The following AR variants were observed in gnomAD, a reference collection of about 807,000 sequenced individuals.
AR encodes androgen receptor, also known as dihydrotestosterone receptor.
A neutral mutation model predicts 53.9 loss-of-function variants in AR; 8 were observed. That is an observed-to-expected ratio of 0.15 (90% confidence interval 0.09 to 0.27). The LOEUF is 0.27. Ranked by LOEUF, AR falls within the 10% of genes least tolerant of loss-of-function variation. The pLI is 1.00. For missense variants in AR, 639 were observed against 742.5 expected (o/e 0.86, Z 1.62); for synonymous variants, 359 against 316.4 (o/e 1.13, Z -1.43).
intron 1 of AR, among the ~76,000 whole-genome samples, chrX:67,563,603 A>C (rs982343102): frequency 9.0e-6 from 1 of 111,537 alleles, no homozygotes; most frequent in African/African-American, 3.3e-5. Context: ...TTCCCCTTCC[A>C]CAAAGCTTTG....
chrX:67,698,098 G>T (rs1163716616), intron 3 of AR, among the ~76,000 whole-genome samples: 1 of 112,087 alleles, frequency 8.9e-6, no homozygotes, highest in Non-Finnish European at 1.9e-5. Flanking sequence ...TAGAGCCGGA[G>T]TTACAAATGA....
rs768527191 is a variant in AR at position 67,560,694 on chromosome X, G to A, written c.1616+13932G>A. On this transcript the variant is annotated intron_variant, in intron 1 of 7. Transcript: ENST00000374690. ...TCCCTTACAAAACTCTTAAAACCCA[G>A]CCAAAAGGATCTAGTCACTGTCACT... 1.4e-3 allele frequency among the ~76,000 whole-genome samples: 154 copies of A among 111,641 alleles called. 1 individual carries two copies. The highest frequency in any genetic ancestry group is 4.9e-3 in the African/African-American group (150 of 30,765).
chrX:67,720,741 G>A, intron 5 of AR, among the ~76,000 whole-genome samples: 1 of 110,892 alleles, frequency 9.0e-6, no homozygotes, highest in Non-Finnish European at 1.9e-5. Flanking sequence ...TCATCCTATG[G>A]AGTAGGCTAG....
chrX:67,648,858 T>C (rs1926192806), intron 2 of AR, among the ~76,000 whole-genome samples: 1 of 112,068 alleles, frequency 8.9e-6, no homozygotes, highest in South Asian at 3.7e-4. Flanking sequence ...CCTTACCAAT[T>C]TCCTAGTCCC....
chrX:67,621,922 G>T (rs1445837592), intron 1 of AR, among the ~76,000 whole-genome samples: 1 of 111,691 alleles, frequency 9.0e-6, no homozygotes, highest in Non-Finnish European at 1.9e-5. Context: ...CAGAGCATGG[G>T]CTTTAGAGTT....
chrX:67,680,993 T>C (rs1202626644), intron 2 of AR: 19 of 205,760 alleles, frequency 9.2e-5, no homozygotes, highest in Non-Finnish European at 3.6e-5. Flanking sequence ...GCCCATTTTA[T>C]GACTATTTAG....
chrX:67,625,618 G>A (rs1229170986), intron 1 of AR, among the ~76,000 whole-genome samples: 3 of 111,408 alleles, frequency 2.7e-5, no homozygotes, highest in African/African-American at 6.5e-5. Context: ...AAGACCAATT[G>A]ACTTTCAAAA....
intron 1 of AR, among the ~76,000 whole-genome samples, chrX:67,568,004 C>T (rs951177417): frequency 2.1e-4 from 23 of 111,088 alleles, no homozygotes; most frequent in African/African-American, 7.5e-4. Flanking sequence ...CTTCATTGAG[C>T]AAGTGTGAAA....
chrX:67,659,891 CT>C (rs746737688), intron 2 of AR, among the ~76,000 whole-genome samples: 5 of 111,541 alleles, frequency 4.5e-5, no homozygotes, highest in Non-Finnish European at 9.4e-5. Context: ...TGTTTCCTGA[CT>C]TTTTAATGAT....
Position 67,545,662 on chromosome X carries a change from C to T in AR, c.516C>T (p.Pro172=), listed in dbSNP as rs1253689902. Residue 172 remains proline, a synonymous_variant, in exon 1 of 8, where the codon CCC becomes CCT. Coordinates refer to ENST00000374690, the MANE Select transcript of AR (RefSeq NM_000044.6). ...TGTCCCTGCTGGGCCCCACTTTCCC[C>T]GGCTTAAGCAGCTGCTCCGCTGACC... ...STLSLLGPTF[P]GLSSCSADLK... 2 of 1,199,560 alleles carry T rather than the reference C, an allele frequency of 1.7e-6. No individual in the cohort carries two copies. Among genetic ancestry groups the T allele is most frequent in the East Asian group, 3.0e-5 (1 of 33,245 alleles).
intron 2 of AR, among the ~76,000 whole-genome samples, chrX:67,643,749 C>G (rs924131842): frequency 8.9e-6 from 1 of 111,789 alleles, no homozygotes; most frequent in Non-Finnish European, 1.9e-5. Flanking sequence ...AAAAATTTGT[C>G]CTTATTAGAG....
chrX:67,553,145 G>T (rs1172206188), intron 1 of AR, among the ~76,000 whole-genome samples: 3 of 111,861 alleles, frequency 2.7e-5, no homozygotes, highest in African/African-American at 6.5e-5. Context: ...CCTAATCCAA[G>T]ATCACAAAGA....
chrX:67,702,595 G>A (rs2076047368), intron 3 of AR, among the ~76,000 whole-genome samples: 1 of 111,798 alleles, frequency 8.9e-6, no homozygotes, highest in Non-Finnish European at 1.9e-5. Flanking sequence ...CTTGCACTCA[G>A]GGCTGGTTTT....
At chrX:67,586,159 A>G (rs1273451223) in intron 1 of AR, among the ~76,000 whole-genome samples, 2 of 111,593 alleles carry the variant, frequency 1.8e-5, no homozygotes, top group Non-Finnish European at 3.8e-5. Context: ...ATTTTGAGGA[A>G]GCATAATTTT....
chrX:67,566,405 A>G (rs1921560106), intron 1 of AR, among the ~76,000 whole-genome samples: 1 of 112,006 alleles, frequency 8.9e-6, no homozygotes. Flanking sequence ...TTCAGTGACT[A>G]TGGCCATCCT....
At chrX:67,687,324 C>T (rs2075972165) in intron 3 of AR, among the ~76,000 whole-genome samples, 1 of 112,064 alleles carries the variant, frequency 8.9e-6, no homozygotes, top group Non-Finnish European at 1.9e-5. Flanking sequence ...CCCATCCTCA[C>T]AGGGCAGTAG....
intron 3 of AR, among the ~76,000 whole-genome samples, chrX:67,710,034 C>G (rs2076087233): frequency 9.0e-6 from 1 of 110,712 alleles, no homozygotes; most frequent in Admixed American, 9.6e-5. Context: ...CTTTAACTAT[C>G]AAAATGTATG....
intron 3 of AR, among the ~76,000 whole-genome samples, chrX:67,696,735 A>G (rs891838077): frequency 9.0e-6 from 1 of 111,058 alleles, no homozygotes; most frequent in East Asian, 2.9e-4. Context: ...CCCTCACTCC[A>G]TACCTGCCAA....
intron 1 of AR, among the ~76,000 whole-genome samples, chrX:67,603,919 A>T (rs2147378983): frequency 9.0e-6 from 1 of 111,143 alleles, no homozygotes; most frequent in South Asian, 3.8e-4. Flanking sequence ...TCATAGAGAT[A>T]AAATTGGCAT....
Sources: gnomAD v4.1 joint callset for allele counts (sites outside exome capture counted in the v4.1 genomes callset) on GRCh38, gnomAD v4.1.1 for gene constraint, MANE v1.5 for transcripts, NCBI Gene and HGNC (gene_info 2026-07-23, HGNC 2026-07-21) for gene names.